PCDHGA7: variants seen among roughly 807,000 people sequenced by gnomAD.
PCDHGA7 encodes protocadherin gamma-A7.
PCDHGA7 carries 44 observed loss-of-function variants against 58.3 expected under a neutral mutation model. That is an observed-to-expected ratio of 0.75 (90% CI 0.59 to 0.97). The LOEUF (loss-of-function observed/expected upper bound fraction) is 0.97, where lower values mean the gene tolerates loss of function less well. Among genes scored for constraint, PCDHGA7 ranks in the 50% least tolerant of loss-of-function variants. The pLI, the probability that PCDHGA7 is intolerant of heterozygous loss-of-function variation, is 0.00. For missense variants in PCDHGA7, 1,266 were observed against 1,188.7 expected (o/e 1.06, Z -0.96); for synonymous variants, 516 against 504.2 (o/e 1.02, Z -0.31).
At chr5:141,482,530 C>CAAAAAAAAAAAAAAA (rs3074545) in intron 1 of PCDHGA7, among the ~76,000 whole-genome samples, 1 of 76,562 alleles carries the variant, frequency 1.3e-5, no homozygotes, top group African/African-American at 4.8e-5. Flanking sequence ...GACAGACATG[C>CAAAAAAAAAAAAAAA]AAAAAAAAAA....
intron 1 of PCDHGA7, among the ~76,000 whole-genome samples, chr5:141,450,259 C>A (rs1243327669): frequency 6.6e-6 from 1 of 152,118 alleles, no homozygotes; most frequent in East Asian, 1.9e-4. Context: ...CTCAAGTGAT[C>A]TGCCCACCTC....
rs554119295 is a variant in PCDHGA7 at position 141,482,963 on chromosome 5, C to T, written c.2425-11844C>T. 1.7e-4 allele frequency among the ~76,000 whole-genome samples: 10 copies of T among 57,958 alleles called. No homozygotes were observed. In the South Asian group the frequency reaches 4.5e-3, roughly 26 times the overall value. 38.0% of individuals were successfully genotyped at this position (57,958 alleles called of 152,430 possible). On this transcript the variant is annotated intron_variant, in intron 1 of 3. Coordinates refer to ENST00000518325, the MANE Select transcript of PCDHGA7 (RefSeq NM_018920.4). The stretch of plus-strand genomic sequence containing the variant: ...TTGTGGGTGCCTGTAATTCCAGCTA[C>T]TTGAGCAGCTACTTGAGAGGTCGAG...
chr5:141,414,791 G>A (rs375736950), intron 1 of PCDHGA7: 43 of 1,614,120 alleles, frequency 2.7e-5, no homozygotes, highest in Non-Finnish European at 3.3e-5. Context: ...GTGACAGCCA[G>A]CGACAGCGGG....
At position 141,431,776 on chromosome 5, in the gene PCDHGA7, C is replaced by A; in HGVS notation, c.2424+46453C>A. Reference sequence around the variant, plus strand: ...CCAAAGTCCTGATCACTGTTCTGGACGTGAACGACAATGCCCCAGAAGTGG... The same window carrying A: ...CCAAAGTCCTGATCACTGTTCTGGAAGTGAACGACAATGCCCCAGAAGTGG... On this transcript the variant is annotated intron_variant, in intron 1 of 3. Coordinates refer to ENST00000518325, the MANE Select transcript of PCDHGA7 (RefSeq NM_018920.4). The surrounding 1 kb of genome is among the most constrained non-coding windows in gnomAD (Gnocchi z 4.8). The A allele has an allele frequency of 6.2e-7, 1 of 1,614,228 alleles. No homozygotes were observed. The highest frequency in any genetic ancestry group is 8.5e-7 in the Non-Finnish European group (1 of 1,180,044).
intron 1 of PCDHGA7, chr5:141,399,816 G>A: frequency 1.2e-6 from 2 of 1,613,196 alleles, no homozygotes; most frequent in Non-Finnish European, 1.7e-6. Context: ...ACCCCGCGCT[G>A]GGTCCCGACG....
rs1486791355 is a variant in PCDHGA7 at position 141,476,804 on chromosome 5, A to G, written c.2425-18003A>G. Reference sequence around the variant, plus strand: ...CCCAGCTCTCTCCGCCAGCCTGCCTATTCACATCAAGGTGCTGGACGCGAA... The same window carrying G: ...CCCAGCTCTCTCCGCCAGCCTGCCTGTTCACATCAAGGTGCTGGACGCGAA... On this transcript the variant is annotated intron_variant, in intron 1 of 3. Coordinates refer to ENST00000518325, the MANE Select transcript of PCDHGA7 (RefSeq NM_018920.4). The surrounding 1 kb of genome is among the most constrained non-coding windows in gnomAD (Gnocchi z 7.6). 5 of 1,613,476 alleles carry G rather than the reference A, an allele frequency of 3.1e-6. No individual in the cohort carries two copies. Among genetic ancestry groups the G allele is most frequent in the South Asian group, 2.2e-5 (2 of 91,080 alleles).
At chr5:141,399,922 T>C in intron 1 of PCDHGA7, 1 of 1,612,334 alleles carries the variant, frequency 6.2e-7, no homozygotes, top group African/African-American at 1.3e-5. Flanking sequence ...ACACAACGCC[T>C]GGCTGTCCTA....
chr5:141,392,700 T>C, intron 1 of PCDHGA7: 1 of 1,257,648 alleles, frequency 8.0e-7, no homozygotes, highest in Non-Finnish European at 1.1e-6. Flanking sequence ...GACCCCTGTT[T>C]GGAGGCACTC....
At position 141,477,492 on chromosome 5, in the gene PCDHGA7, A is replaced by T; in HGVS notation, c.2425-17315A>T. ...AATGACAACCCTCCACAATCTTCTC[A>T]ATCTTCCTACGACGTTTACATTGAA... On this transcript the variant is annotated intron_variant, in intron 1 of 3. Coordinates refer to ENST00000518325, the MANE Select transcript of PCDHGA7 (RefSeq NM_018920.4). The surrounding 1 kb of genome is among the most constrained non-coding windows in gnomAD (Gnocchi z 4.9). The T allele has an allele frequency of 6.2e-7, 1 of 1,613,980 alleles. No individual in the cohort carries two copies. The highest frequency in any genetic ancestry group is 8.5e-7 in the Non-Finnish European group (1 of 1,179,958).
At chr5:141,427,371 G>A (rs772247790) in intron 1 of PCDHGA7, 3 of 458,018 alleles carry the variant, frequency 6.5e-6, no homozygotes, top group East Asian at 6.9e-5. Context: ...ACCCTGGACG[G>A]TGATCACTCT....
At chr5:141,414,242 T>TA in intron 1 of PCDHGA7, 2 of 1,613,538 alleles carry the variant, frequency 1.2e-6, no homozygotes, top group Non-Finnish European at 1.7e-6. Context: ...ATCACGTCTC[T>TA]ATTTAGTCCA....
intron 1 of PCDHGA7, chr5:141,478,545 A>T: frequency 6.2e-7 from 1 of 1,605,606 alleles, no homozygotes; most frequent in Admixed American, 1.7e-5. Context: ...CCTCCCGGAC[A>T]GGTAAGGTTT....
chr5:141,403,354 G>A, intron 1 of PCDHGA7: 7 of 1,614,048 alleles, frequency 4.3e-6, no homozygotes, highest in Non-Finnish European at 5.9e-6. Flanking sequence ...CAAAGTTCCA[G>A]GCCGAAAGTC....
In PCDHGA7 at chr5:141,489,522, C is replaced by T. The variant is rs371948070; in HGVS notation, c.2425-5285C>T. 2.5e-6 allele frequency: 4 copies of T among 1,614,088 alleles called. No individual in the cohort carries two copies. Among genetic ancestry groups the T allele is most frequent in the Non-Finnish European group, 3.4e-6 (4 of 1,180,036 alleles). On this transcript the variant is annotated intron_variant, in intron 1 of 3. Coordinates refer to ENST00000518325, the MANE Select transcript of PCDHGA7 (RefSeq NM_018920.4). The surrounding 1 kb of genome is among the most constrained non-coding windows in gnomAD (Gnocchi z 4.5). ...TGAATCAAAAGATTGACCGAGAAAG[C>T]CTATGTGGAGCCAGCACCAGCTGCC...
intron 1 of PCDHGA7, chr5:141,478,068 A>G (rs560968418): frequency 3.7e-6 from 6 of 1,614,134 alleles, no homozygotes; most frequent in East Asian, 4.5e-5. Flanking sequence ...ATCAAAGACA[A>G]TGGGGAGCCT....
chr5:141,494,394 T>C (rs1437164389), intron 1 of PCDHGA7, among the ~76,000 whole-genome samples: 1 of 152,154 alleles, frequency 6.6e-6, no homozygotes, highest in African/African-American at 2.4e-5. Flanking sequence ...GTTGAATAAA[T>C]TCATTCTAGG....
rs1779505290 is a variant in PCDHGA7, at chr5:141,383,837, C to A, written c.938C>A (p.Ala313Asp). The change falls in exon 1 of 4, where the codon GCC becomes GAC. Residue 313 changes from alanine to aspartate, a missense_variant. Transcript: ENST00000518325. Reference protein sequence around the residue: ...TLEGLDYEETAFYEMEVQAQD... With the variant: ...TLEGLDYEETDFYEMEVQAQD... ...GAAGGATTAGATTATGAAGAAACTG[C>A]CTTCTATGAAATGGAGGTTCAGGCT... 1 of 1,613,886 alleles carries A rather than the reference C, an allele frequency of 6.2e-7. No homozygotes were observed. The highest frequency in any genetic ancestry group is 1.1e-5 in the South Asian group (1 of 91,078).
chr5:141,430,587 T>C, intron 1 of PCDHGA7: 1 of 521,996 alleles, frequency 1.9e-6, no homozygotes, highest in Non-Finnish European at 3.1e-6. Context: ...CCTGCTCGCC[T>C]TGCACGCGCC....
chr5:141,466,977 C>T (rs2099133275), intron 1 of PCDHGA7, among the ~76,000 whole-genome samples: 1 of 151,786 alleles, frequency 6.6e-6, no homozygotes. Flanking sequence ...CACAGCTCAT[C>T]ATTTACCTTT....
Sources: gnomAD v4.1 joint callset for allele counts (sites outside exome capture counted in the v4.1 genomes callset) on GRCh38, gnomAD v4.1.1 for gene constraint, Gnocchi (gnomAD v3.1) non-coding constraint, MANE v1.5 for transcripts, NCBI Gene and HGNC (gene_info 2026-07-23, HGNC 2026-07-21) for gene names.